FCGRT: variants seen among roughly 807,000 people sequenced by gnomAD.
The protein encoded by FCGRT is IgG receptor FcRn large subunit p51.
Under a neutral mutation model 35.7 loss-of-function variants are expected in FCGRT, and 13 were observed. That is an observed-to-expected ratio of 0.36 (90% CI 0.24 to 0.58). The LOEUF (loss-of-function observed/expected upper bound fraction) is 0.58, where lower values mean the gene tolerates loss of function less well. FCGRT is among the 20% of genes least tolerant of loss of function. FCGRT has a pLI of 0.77. For synonymous variants in FCGRT, 233 were observed against 216.5 expected, an observed-to-expected ratio of 1.08 and a Z score of -0.67; for missense variants, 455 against 474.9, an observed-to-expected ratio of 0.96 and a Z score of 0.39.
At chr19:49,524,481 A>G in intron 4 of FCGRT, 26 bp from the exon 5 acceptor site, 1 of 1,598,294 alleles carries the variant, frequency 6.3e-7, no homozygotes, top group Non-Finnish European at 8.5e-7. Flanking sequence ...CTCGCGACTT[A>G]GGCCTGTCTG....
At chr19:49,517,917 T>A (rs1442247051) in intron 4 of FCGRT, among the ~76,000 whole-genome samples, 2 of 152,106 alleles carry the variant, frequency 1.3e-5, no homozygotes, top group Non-Finnish European at 2.9e-5. Flanking sequence ...GGTCTTGAAC[T>A]CCTGACCTCG....
Position 49,514,001 on chromosome 19 carries a change from C to G in FCGRT, c.193C>G (p.Arg65Gly), listed in dbSNP as rs375492056. Residue 65 changes from arginine to glycine, a missense_variant, in exon 3 of 7, where the codon CGG becomes GGG. By Grantham distance (125) the Arg-to-Gly change is moderately radical. Transcript: ENST00000221466. ...GCAGTACCTGAGCTACAATAGCCTG[C>G]GGGGCGAGGCGGAGCCCTGTGGAGC... ...PQQYLSYNSL[R>G]GEAEPCGAWV... The G allele has an allele frequency of 6.4e-5, 104 of 1,613,250 alleles. No individual in the cohort carries two copies. The highest frequency in any genetic ancestry group is 1.0e-4 in the Admixed American group (6 of 59,982).
intron 4 of FCGRT, among the ~76,000 whole-genome samples, chr19:49,517,305 A>G (rs951518974): frequency 6.6e-6 from 1 of 152,194 alleles, no homozygotes; most frequent in African/African-American, 2.4e-5. Flanking sequence ...AGCCTGGCCA[A>G]CAGAGTGAAA....
chr19:49,525,075 G>T, intron 5 of FCGRT: 3 of 568,664 alleles, frequency 5.3e-6, no homozygotes, highest in Non-Finnish European at 9.9e-6. Context: ...CTGCTGCTGC[G>T]GGTCTTCCTG....
rs1435069681 is a variant in FCGRT at position 49,512,668 on chromosome 19, G to C, written c.-97G>C. ...GGAGCAGCAGCCTCCCACAGGATGTGAGAGAGGAACTGGGGTCTCCAGTCA... is the reference window on the plus strand; with the variant it reads ...GGAGCAGCAGCCTCCCACAGGATGTCAGAGAGGAACTGGGGTCTCCAGTCA... On this transcript the variant is annotated 5_prime_UTR_variant, in exon 1 of 7. It removes the in-frame stop codon of an upstream open reading frame in the 5' UTR. Coordinates refer to ENST00000221466, the MANE Select transcript of FCGRT (RefSeq NM_001136019.3). The C allele has an allele frequency of 6.5e-6, 1 of 154,868 alleles. No individual in the cohort carries two copies. Among genetic ancestry groups the C allele is most frequent in the East Asian group, 1.9e-4 (1 of 5,246 alleles). 9.6% of individuals were successfully genotyped at this position (154,868 alleles called of 1,614,324 possible).
In FCGRT at chr19:49,526,391, G is replaced by A. The variant is rs963779412; in HGVS notation, c.*272G>A. The A allele has an allele frequency of 8.4e-6, 4 of 476,552 alleles. No homozygotes were observed. Among genetic ancestry groups the A allele is most frequent in the African/African-American group, 8.0e-5 (4 of 50,274 alleles). 29.5% of individuals were successfully genotyped at this position (476,552 alleles called of 1,614,324 possible). ...AGGTAAGGGAATAAGTCGGGGGACTGAATGGCGGCTGGGCCTCGGATCTCT... is the reference window on the plus strand; with the variant it reads ...AGGTAAGGGAATAAGTCGGGGGACTAAATGGCGGCTGGGCCTCGGATCTCT... On this transcript the variant is annotated 3_prime_UTR_variant, in exon 7 of 7. Transcript: ENST00000221466.
At chr19:49,518,191 T>C (rs1209095400) in intron 4 of FCGRT, among the ~76,000 whole-genome samples, 1 of 152,098 alleles carries the variant, frequency 6.6e-6, no homozygotes, top group African/African-American at 2.4e-5. Context: ...ACCAAAACCA[T>C]CATCACACCT....
At chr19:49,515,710 A>G (rs1448285213) in intron 4 of FCGRT, among the ~76,000 whole-genome samples, 1 of 152,120 alleles carries the variant, frequency 6.6e-6, no homozygotes, top group Non-Finnish European at 1.5e-5. Flanking sequence ...GACAGGTGTG[A>G]GCCACTGTGC....
intron 4 of FCGRT, chr19:49,516,002 C>G: frequency 2.9e-6 from 1 of 340,758 alleles, no homozygotes; most frequent in South Asian, 2.2e-5. Context: ...CCCGGAGGCC[C>G]CCAGATCCCC....
chr19:49,524,358 C>G (rs2080059885), intron 4 of FCGRT, 149 bp from the exon 5 acceptor site: 2 of 873,134 alleles, frequency 2.3e-6, no homozygotes, highest in African/African-American at 1.7e-5. Flanking sequence ...GGTTGAGTCT[C>G]TGTCACCTAG....
At chr19:49,519,235 CAA>C in intron 4 of FCGRT, among the ~76,000 whole-genome samples, 1 of 151,990 alleles carries the variant, frequency 6.6e-6, no homozygotes, top group East Asian at 1.9e-4. Context: ...TTTCACAAAG[CAA>C]AAGTTTTTAA....
At chr19:49,514,881 G>A (rs1364633956) in intron 4 of FCGRT, among the ~76,000 whole-genome samples, 2 of 151,698 alleles carry the variant, frequency 1.3e-5, no homozygotes, top group African/African-American at 2.4e-5. Flanking sequence ...TAGTAGAGAC[G>A]GGGTTTCTTC....
rs879009556 is a variant in FCGRT, at chr19:49,525,455, A to G, written c.872-2A>G. The stretch of plus-strand genomic sequence containing the variant: ...ACATCTCACAGCGTTCTCTGGCTGC[A>G]GAATCTCCAGCCAAGTCCTCCGTGC... On this transcript the variant is annotated splice_acceptor_variant, in intron 5 of 6. Coordinates refer to ENST00000221466, the MANE Select transcript of FCGRT (RefSeq NM_001136019.3). LOFTEE classifies it high-confidence loss of function. 2.5e-6 allele frequency: 4 copies of G among 1,611,600 alleles called. No individual in the cohort carries two copies. The highest frequency in any genetic ancestry group is 3.4e-6 in the Non-Finnish European group (4 of 1,177,958).
At chr19:49,523,009 C>T (rs62128087) in intron 4 of FCGRT, among the ~76,000 whole-genome samples, 18,255 of 151,516 alleles carry the variant, frequency 0.12, 1,407 homozygotes, top group East Asian at 0.17. Context: ...AATCTCCTGA[C>T]CTCGTGATCC....
chr19:49,525,383 G>A, intron 5 of FCGRT, 74 bp from the exon 6 acceptor site: 1 of 1,076,528 alleles, frequency 9.3e-7, no homozygotes, highest in East Asian at 2.4e-5. Context: ...GGGACTGGGA[G>A]CGCCCCAGTT....
rs1467238023 is a variant in FCGRT, at chr19:49,525,475, C to T, written c.890C>T (p.Ser297Phe). 3.1e-6 allele frequency: 5 copies of T among 1,613,656 alleles called. No individual in the cohort carries two copies. In the African/African-American group the frequency reaches 5.3e-5, roughly 17 times the overall value. The change falls in exon 6 of 7, where the codon TCC becomes TTC. Residue 297 changes from serine to phenylalanine, a missense_variant. Transcript: ENST00000221466. ...RVELESPAKS[S>F]VLVVGIVIGV... ...GCTGCAGAATCTCCAGCCAAGTCCT[C>T]CGTGCTCGTGGTGGGAATCGTCATC...
chr19:49,518,887 G>T (rs948625191), intron 4 of FCGRT, among the ~76,000 whole-genome samples: 1 of 149,344 alleles, frequency 6.7e-6, no homozygotes, highest in Non-Finnish European at 1.5e-5. Flanking sequence ...CTGTCACCCA[G>T]GCTGGGGTGC....
chr19:49,516,238 G>A lies in FCGRT; in HGVS notation c.601+1752G>A, dbSNP rs749456951. 2.0e-4 allele frequency: 86 copies of A among 426,918 alleles called. 1 individual carries two copies. Among genetic ancestry groups the A allele is most frequent in the South Asian group, 1.4e-3 (83 of 59,638 alleles). 26.4% of individuals were successfully genotyped at this position (426,918 alleles called of 1,614,324 possible). A position where few individuals can be genotyped will look rare whatever the true frequency, so the allele number is the denominator to read the frequency against. On this transcript the variant is annotated intron_variant, in intron 4 of 6. Transcript: ENST00000221466. ...AATTGTCTTCTTTCTTTCCTAAGTA[G>A]GGAAAATTTCTTTCTTTTTTTGAGA... is the stretch of plus-strand genomic sequence containing the variant.
chr19:49,518,967 C>T (rs1312223527), intron 4 of FCGRT, among the ~76,000 whole-genome samples: 1 of 152,038 alleles, frequency 6.6e-6, no homozygotes, highest in Non-Finnish European at 1.5e-5. Context: ...CTCAGCCTCC[C>T]GAGTGGCTGG....
Sources: allele counts gnomAD v4.1 joint callset (sites outside exome capture counted in the v4.1 genomes callset), GRCh38; gene constraint gnomAD v4.1.1; transcripts MANE v1.5; gene names NCBI Gene and HGNC (gene_info 2026-07-23, HGNC 2026-07-21).